Variants in L3MBTL4 observed in about 807,000 individuals in gnomAD.
L3MBTL4 encodes lethal(3)malignant brain tumor-like protein 4.
L3MBTL4 carries 70 observed loss-of-function variants against 84.5 expected under a neutral mutation model. That is an observed-to-expected ratio of 0.83 (90% CI 0.68 to 1.01). L3MBTL4 has a LOEUF of 1.01. Ranked by LOEUF, L3MBTL4 falls within the 50% of genes least tolerant of loss-of-function variation. L3MBTL4 has a pLI of 0.00. For missense variants in L3MBTL4, 715 were observed against 754.8 expected (o/e 0.95, Z 0.62); for synonymous variants, 274 against 259.8 (o/e 1.05, Z -0.52).
chr18:6,117,155 CCT>C (rs1368825182), intron 14 of L3MBTL4, among the ~76,000 whole-genome samples: 1 of 152,098 alleles, frequency 6.6e-6, no homozygotes, highest in East Asian at 1.9e-4. Context: ...TGGAAAAATC[CCT>C]TAGAATGGAA....
At chr18:6,149,637 A>G (rs568785092) in intron 13 of L3MBTL4, among the ~76,000 whole-genome samples, 1 of 152,284 alleles carries the variant, frequency 6.6e-6, no homozygotes, top group Admixed American at 6.5e-5. Flanking sequence ...GACTTCCACA[A>G]TGGTTGAACT....
intron 10 of L3MBTL4, among the ~76,000 whole-genome samples, chr18:6,221,783 C>T (rs1482887590): frequency 1.3e-5 from 2 of 152,292 alleles, no homozygotes; most frequent in Middle Eastern, 3.4e-3. Context: ...TCAGAGGCCA[C>T]TTATTCATTT....
chr18:6,238,835 G>A (rs1195153493), intron 9 of L3MBTL4, among the ~76,000 whole-genome samples: 2 of 152,020 alleles, frequency 1.3e-5, no homozygotes, highest in African/African-American at 4.8e-5. Context: ...GCCTCAGGCA[G>A]GGACATATGT....
intron 16 of L3MBTL4, among the ~76,000 whole-genome samples, chr18:6,075,907 C>T (rs1054213735): frequency 2.0e-5 from 3 of 152,044 alleles, no homozygotes; most frequent in East Asian, 1.9e-4. Flanking sequence ...CTCATTAGGC[C>T]TCAGAAGGAA....
chr18:6,300,837 AT>A, intron 4 of L3MBTL4, among the ~76,000 whole-genome samples: 1 of 152,184 alleles, frequency 6.6e-6, no homozygotes, highest in Non-Finnish European at 1.5e-5. Context: ...AGTCCAATTC[AT>A]TTCTAAAATC....
chr18:6,404,397 C>T (rs912130784), intron 1 of L3MBTL4, among the ~76,000 whole-genome samples: 3 of 152,164 alleles, frequency 2.0e-5, no homozygotes, highest in Non-Finnish European at 4.4e-5. Flanking sequence ...TTCACTGACA[C>T]ATTTATTTGT....
At chr18:6,030,415 T>C in intron 16 of L3MBTL4, 4 of 985,140 alleles carry the variant, frequency 4.1e-6, no homozygotes, top group Non-Finnish European at 4.8e-6. Flanking sequence ...CAAACATATA[T>C]ACATCTTCTG....
chr18:6,236,441 C>T (rs1170065245), intron 10 of L3MBTL4, among the ~76,000 whole-genome samples: 1 of 152,164 alleles, frequency 6.6e-6, no homozygotes, highest in Non-Finnish European at 1.5e-5. Flanking sequence ...ATGTGCTGCG[C>T]AGAATTTTTC....
intron 4 of L3MBTL4, among the ~76,000 whole-genome samples, chr18:6,299,992 T>A (rs1599543375): frequency 6.6e-6 from 1 of 152,330 alleles, no homozygotes; most frequent in East Asian, 1.9e-4. Context: ...TACAATTTTC[T>A]GTTCACATAT....
At chr18:6,355,244 A>T (rs1364226883) in intron 1 of L3MBTL4, among the ~76,000 whole-genome samples, 2 of 152,246 alleles carry the variant, frequency 1.3e-5, no homozygotes, top group Non-Finnish European at 2.9e-5. Context: ...TCCTTTCCAC[A>T]TGATGTGATT....
chr18:6,212,006 T>C (rs2046128853), intron 12 of L3MBTL4, among the ~76,000 whole-genome samples: 2 of 152,180 alleles, frequency 1.3e-5, no homozygotes, highest in South Asian at 2.1e-4. Flanking sequence ...GCAATTATGA[T>C]ATGCAAAAGT....
At chr18:6,133,789 G>C (rs1412327934) in intron 14 of L3MBTL4, among the ~76,000 whole-genome samples, 1 of 152,104 alleles carries the variant, frequency 6.6e-6, no homozygotes, top group Non-Finnish European at 1.5e-5. Flanking sequence ...CCTGAAACTG[G>C]TACCAGCCGC....
chr18:5,958,354 T>A (rs2095245231), intron 18 of L3MBTL4, among the ~76,000 whole-genome samples: 1 of 152,156 alleles, frequency 6.6e-6, no homozygotes, highest in Non-Finnish European at 1.5e-5. Context: ...GAGGAAACAC[T>A]TTTTCCCTCG....
intron 1 of L3MBTL4, among the ~76,000 whole-genome samples, chr18:6,328,480 T>G (rs1470167505): frequency 6.6e-6 from 1 of 152,200 alleles, no homozygotes; most frequent in African/African-American, 2.4e-5. Context: ...TAAGCACTGT[T>G]CAAATAAACT....
intron 12 of L3MBTL4, among the ~76,000 whole-genome samples, chr18:6,172,670 A>G (rs2044033733): frequency 6.6e-6 from 1 of 152,222 alleles, no homozygotes; most frequent in African/African-American, 2.4e-5. Context: ...CATACCATGC[A>G]CACATATAAG....
intron 4 of L3MBTL4, among the ~76,000 whole-genome samples, chr18:6,290,529 T>TA (rs1568443882): frequency 6.9e-6 from 1 of 144,914 alleles, no homozygotes; most frequent in African/African-American, 2.6e-5. Context: ...TCTTTTATTT[T>TA]TTTTTTTTAA....
chr18:6,345,763 T>C (rs1210817666), intron 1 of L3MBTL4, among the ~76,000 whole-genome samples: 2 of 152,012 alleles, frequency 1.3e-5, no homozygotes, highest in Non-Finnish European at 2.9e-5. Flanking sequence ...CTGATCTACA[T>C]ATTCAATGCA....
intron 13 of L3MBTL4, among the ~76,000 whole-genome samples, chr18:6,148,558 T>A (rs982079543): frequency 2.0e-5 from 3 of 152,122 alleles, no homozygotes; most frequent in African/African-American, 7.2e-5. Flanking sequence ...GCTGGGTAGC[T>A]GGGACCACAG....
At position 6,239,805 on chromosome 18, in the gene L3MBTL4, G is replaced by A. The variant is rs1298240118; in HGVS notation, c.620C>T (p.Ser207Phe). 1.9e-6 allele frequency: 3 copies of A among 1,614,056 alleles called. No homozygotes were observed. The highest frequency in any genetic ancestry group is 2.7e-5 in the African/African-American group (2 of 74,926). The change falls in exon 9 of 19, where the codon TCC becomes TTC. Residue 207 changes from serine to phenylalanine, a missense_variant. By Grantham distance (155) the Ser-to-Phe change is radical. Coordinates refer to ENST00000317931, the MANE Select transcript of L3MBTL4 (RefSeq NM_001330559.2). ...TGCTATGGTCGCCACACACACCAAG[G>A]AAGGGTTCTTCCTGTCCACGGCCTC... is the stretch of plus-strand genomic sequence containing the variant. ...KLEAVDRKNP[S>F]LVCVATIADI...
Sources: gnomAD v4.1 joint callset for allele counts (sites outside exome capture counted in the v4.1 genomes callset) on GRCh38, gnomAD v4.1.1 for gene constraint, MANE v1.5 for transcripts, NCBI Gene and HGNC (gene_info 2026-07-23, HGNC 2026-07-21) for gene names.